The following CLVS1 variants were observed in gnomAD, a reference collection of about 807,000 sequenced individuals.
CLVS1 encodes the protein clavesin 1.
Under a neutral mutation model 33.1 loss-of-function variants are expected in CLVS1, and 10 were observed. The observed-to-expected ratio is 0.30, with a 90% CI of 0.19 to 0.51. CLVS1 has a LOEUF of 0.51. Among genes scored for constraint, CLVS1 ranks in the 20% least tolerant of loss-of-function variants. CLVS1 has a pLI of 0.97. For synonymous variants in CLVS1, 163 were observed against 166.1 expected (o/e 0.98, Z 0.14); for missense variants, 343 against 433.4 (o/e 0.79, Z 1.85).
At chr8:61,436,235 C>G (rs896459519) in intron 3 of CLVS1, among the ~76,000 whole-genome samples, 4 of 152,192 alleles carry the variant, frequency 2.6e-5, no homozygotes, top group African/African-American at 9.7e-5. Context: ...CATAAATGCA[C>G]TGCAATGTAT....
At chr8:61,034,527 C>T in the CLVS1 span, among the ~76,000 whole-genome samples, 1 of 152,092 alleles carries the variant, frequency 6.6e-6, no homozygotes, top group Non-Finnish European at 1.5e-5. Flanking sequence ...CAACAACTCC[C>T]CATCCCTCCC....
chr8:61,044,685 C>T, the CLVS1 span, among the ~76,000 whole-genome samples: 1 of 152,150 alleles, frequency 6.6e-6, no homozygotes, highest in South Asian at 2.1e-4. Flanking sequence ...TGCACTATAG[C>T]CCCTCTTGTG....
chr8:61,133,586 G>A (rs562695916), intron 2 of CLVS1, among the ~76,000 whole-genome samples: 1 of 152,160 alleles, frequency 6.6e-6, no homozygotes, highest in Non-Finnish European at 1.5e-5. Flanking sequence ...TGAATGAAAC[G>A]GCACCTTGAG....
intron 2 of CLVS1, among the ~76,000 whole-genome samples, chr8:61,357,471 T>TCTTTTTCTTTC: frequency 6.7e-6 from 1 of 149,862 alleles, no homozygotes; most frequent in South Asian, 2.1e-4. Context: ...TTTTTTTCCT[T>TCTTTTTCTTTC]CTTTTTCTTT....
intron 2 of CLVS1, among the ~76,000 whole-genome samples, chr8:61,318,427 G>T (rs1325126330): frequency 1.3e-5 from 2 of 152,168 alleles, no homozygotes; most frequent in Non-Finnish European, 2.9e-5. Context: ...AGCTGAACAA[G>T]GGAGAAGTTC....
chr8:61,435,254 A>G (rs1816284557), intron 3 of CLVS1, among the ~76,000 whole-genome samples: 1 of 152,158 alleles, frequency 6.6e-6, no homozygotes, highest in Non-Finnish European at 1.5e-5. Context: ...AAAGGGAAAA[A>G]CAATCAAAAG....
chr8:61,273,499 T>G (rs1287732176), intron 2 of CLVS1, among the ~76,000 whole-genome samples: 1 of 152,240 alleles, frequency 6.6e-6, no homozygotes, highest in Admixed American at 6.5e-5. Flanking sequence ...CAGGCCTCCT[T>G]GAGCTGTGGT....
At chr8:61,102,670 C>G (rs936144302) in intron 1 of CLVS1, among the ~76,000 whole-genome samples, 2 of 152,154 alleles carry the variant, frequency 1.3e-5, no homozygotes, top group Non-Finnish European at 2.9e-5. Context: ...AGCTCCATGA[C>G]CCTCACAAGT....
chr8:61,481,884 T>A (rs1389868592), intron 5 of CLVS1, among the ~76,000 whole-genome samples: 8 of 151,922 alleles, frequency 5.3e-5, no homozygotes. Flanking sequence ...GATCTGAGAG[T>A]GGACAGTCTG....
At chr8:61,219,935 T>G (rs1181401749) in intron 2 of CLVS1, among the ~76,000 whole-genome samples, 2 of 152,200 alleles carry the variant, frequency 1.3e-5, no homozygotes, top group African/African-American at 4.8e-5. Flanking sequence ...TTGTTGGCCA[T>G]GTAAATGTCT....
At chr8:61,052,381 A>G (rs1804399694), upstream of CLVS1, among the ~76,000 whole-genome samples, 1 of 152,312 alleles carries the variant, frequency 6.6e-6, no homozygotes, top group South Asian at 2.1e-4. Context: ...AAATAAAACC[A>G]TGAAGGGCGA....
At position 61,348,339 on chromosome 8, in the gene CLVS1, G is replaced by T. The variant is rs532263536; in HGVS notation, c.456-28266G>T. ...CACACTGGGGCCTGTCATGGAGTGGGGGGAGGGGGGAGGGATAGCATTAGG... is the reference window on the plus strand; with the variant it reads ...CACACTGGGGCCTGTCATGGAGTGGTGGGAGGGGGGAGGGATAGCATTAGG... On this transcript the variant is annotated intron_variant, in intron 2 of 5. Transcript: ENST00000325897. Among the ~76,000 whole-genome samples the T allele has an allele frequency of 8.3e-5, 12 of 144,260 alleles. No individual in the cohort carries two copies. The South Asian group carries it at 2.5e-3, about 30-fold the overall frequency. The allele number at this position is 144,260 out of a possible 152,430, so 94.6% of individuals were successfully genotyped here. A position where few individuals can be genotyped will look rare whatever the true frequency, so the allele number is the denominator to read the frequency against.
At chr8:61,197,989 C>T (rs1807651208) in intron 2 of CLVS1, among the ~76,000 whole-genome samples, 1 of 152,212 alleles carries the variant, frequency 6.6e-6, no homozygotes, top group Admixed American at 6.5e-5. Flanking sequence ...GTCTCTCTGA[C>T]CCTCCTCAAT....
rs556097825 is a variant in CLVS1, at chr8:61,221,051, T to C, written c.-151-78626T>C. Among the ~76,000 whole-genome samples the C allele has an allele frequency of 8.5e-5, 13 of 152,344 alleles. No homozygotes were observed. In the East Asian group the frequency reaches 2.3e-3, roughly 27 times the overall value. On this transcript the variant is annotated intron_variant, in intron 2 of 2. Transcript: ENST00000522621. ...TTTATTTTGTATCCTGAGACTTCGC[T>C]GAAGTTGCTTATCAGTTCAAGAAGT...
At chr8:61,002,128 G>A in the CLVS1 span, among the ~76,000 whole-genome samples, 3 of 151,850 alleles carry the variant, frequency 2.0e-5, no homozygotes, top group Non-Finnish European at 2.9e-5. Context: ...ACAGGCATAT[G>A]TTACCATGCC....
chr8:61,126,125 T>C (rs1805963950), intron 1 of CLVS1, among the ~76,000 whole-genome samples: 1 of 152,186 alleles, frequency 6.6e-6, no homozygotes, highest in African/African-American at 2.4e-5. Flanking sequence ...CCTGCCACTC[T>C]TGTGACTACT....
In CLVS1 at chr8:61,198,069, G is replaced by A. The variant is rs372899210; in HGVS notation, c.-152+66209G>A. On this transcript the variant is annotated intron_variant, in intron 2 of 2. Coordinates refer to the CLVS1 transcript ENST00000522621. ...TCACCTGATTTTTGGTTCTTGTGAT[G>A]GTGCTATTCTGTGTGCAGATAGTTG... is the stretch of plus-strand genomic sequence containing the variant. Among the ~76,000 whole-genome samples the A allele has an allele frequency of 5.3e-5, 8 of 152,168 alleles. 1 individual carries two copies. The highest frequency in any genetic ancestry group is 1.9e-4 in the African/African-American group (8 of 41,540).
intron 2 of CLVS1, among the ~76,000 whole-genome samples, chr8:61,305,184 G>C (rs957586671): frequency 1.3e-5 from 2 of 151,876 alleles, no homozygotes; most frequent in African/African-American, 4.8e-5. Context: ...TAGGATACTG[G>C]GTCAAAAGAT....
Position 61,120,741 on chromosome 8 carries a change from C to A in CLVS1, c.-242-11029C>A, listed in dbSNP as rs1025048078. On this transcript the variant is annotated intron_variant, in intron 1 of 2. Transcript: ENST00000522621. ...GGCAGTCTGCCCGTTCTCAGATCTC[C>A]AGCTGCGTGCTGGGAGAACCACTGC... Among the ~76,000 whole-genome samples the A allele has an allele frequency of 1.2e-3, 174 of 143,636 alleles. 2 individuals carry two copies. Among genetic ancestry groups the A allele is most frequent in the Non-Finnish European group, 1.8e-3 (116 of 65,726 alleles). 94.2% of individuals were successfully genotyped at this position (143,636 alleles called of 152,430 possible).
Sources: allele counts gnomAD v4.1 joint callset (sites outside exome capture counted in the v4.1 genomes callset), GRCh38; gene constraint gnomAD v4.1.1; transcripts MANE v1.5; gene names NCBI Gene and HGNC (gene_info 2026-07-23, HGNC 2026-07-21).